Variants in S100A16 observed in about 807,000 individuals in gnomAD.
S100A16 encodes the protein S100 calcium binding protein A16.
Under a neutral mutation model 9.0 loss-of-function variants are expected in S100A16, and 8 were observed. That is an observed-to-expected ratio of 0.89 (90% CI 0.52 to 1.60). S100A16 has a LOEUF of 1.60. Among genes scored for constraint, S100A16 ranks in the 40% most tolerant of loss-of-function variants. The pLI is 0.00. For synonymous variants in S100A16, 51 were observed against 51.4 expected (o/e 0.99, Z 0.04); for missense variants, 138 against 132.4 (o/e 1.04, Z -0.21).
Position 153,607,683 on chromosome 1 carries a change from T to G in S100A16, c.163A>C (p.Asn55His). 2.5e-6 allele frequency: 4 copies of G among 1,614,152 alleles called. No individual in the cohort carries two copies. The highest frequency in any genetic ancestry group is 2.5e-6 in the Non-Finnish European group (3 of 1,180,022). The change falls in exon 3 of 3, where the codon AAC (asparagine) becomes CAC (histidine). Residue 55 changes from asparagine (N) to histidine (H), a missense_variant. Transcript: ENST00000368706. ...ELNHMLSDTG[N>H]RKAADKLIQN... ...ATGAGCTTATCCGCAGCCTTCCGGT[T>G]CCCTGTGTCCTGGGGAGGAAGCAGG...
At chr1:153,608,535 T>C (rs1006354919) in intron 1 of S100A16, among the ~76,000 whole-genome samples, 1 of 152,072 alleles carries the variant, frequency 6.6e-6, no homozygotes, top group African/African-American at 2.4e-5. Context: ...CCCACCCTGC[T>C]CCACAGCTGG....
At chr1:153,612,771 C>A (rs947886480) in intron 1 of S100A16, among the ~76,000 whole-genome samples, 181 bp downstream of exon 1, 3 of 152,252 alleles carry the variant, frequency 2.0e-5, no homozygotes, top group East Asian at 3.9e-4. Flanking sequence ...CCCAACCCCC[C>A]AGGACTCCCC....
Position 153,607,607 on chromosome 1 carries a change from C to T in S100A16, c.239G>A (p.Trp80Ter). 1 of 1,614,206 alleles carries T rather than the reference C, an allele frequency of 6.2e-7. No individual in the cohort carries two copies. The highest frequency in any genetic ancestry group is 8.5e-7 in the Non-Finnish European group (1 of 1,180,016). Residue 80 changes from tryptophan (W) to a stop codon, truncating the protein, a stop_gained, in exon 3 of 3, where the codon TGG becomes TAG. Transcript: ENST00000368706. LOFTEE classifies it high-confidence loss of function. ...GCCGGTGATGCCGCCTATCAAGGTCCAGTACTCATCGAAGCTGATGCGCCC... is the reference window on the plus strand; with the variant it reads ...GCCGGTGATGCCGCCTATCAAGGTCTAGTACTCATCGAAGCTGATGCGCCC... ...HDGRISFDEY[W>*]TLIGGITGPI... is the part of the protein sequence containing the mutation.
rs771769392 is a variant in S100A16 at position 153,607,637 on chromosome 1, T to C, written c.209A>G (p.His70Arg). 1.2e-5 allele frequency: 19 copies of C among 1,614,066 alleles called. No homozygotes were observed. In the African/African-American group the frequency reaches 2.1e-4, roughly 18 times the overall value. The stretch of plus-strand genomic sequence containing the variant: ...CTCATCGAAGCTGATGCGCCCATCA[T>C]GATTGGCATCCAGGTTCTGGATGAG... ...DKLIQNLDAN[H>R]DGRISFDEYW... Residue 70 changes from histidine (H) to arginine (R), a missense_variant, in exon 3 of 3, where the codon CAT (histidine) becomes CGT (arginine). By Grantham distance (29) the His-to-Arg change is conservative. Transcript: ENST00000368706.
chr1:153,612,367 C>T (rs1406868114), intron 1 of S100A16, among the ~76,000 whole-genome samples: 1 of 152,076 alleles, frequency 6.6e-6, no homozygotes, highest in Non-Finnish European at 1.5e-5. Context: ...CTCCCCACAG[C>T]CTCACTCGGG....
At chr1:153,610,960 C>T (rs965416279) in intron 1 of S100A16, among the ~76,000 whole-genome samples, 1 of 152,110 alleles carries the variant, frequency 6.6e-6, no homozygotes, top group Admixed American at 6.5e-5. Flanking sequence ...ATTGGCCCTG[C>T]CACAGGTAGA....
Position 153,610,468 on chromosome 1 carries a change from C to T in S100A16, c.-26-2291G>A, listed in dbSNP as rs150437798. 6.1e-4 allele frequency among the ~76,000 whole-genome samples: 93 copies of T among 152,312 alleles called. No homozygotes were observed. The Middle Eastern group carries it at 0.017, about 28-fold the overall frequency. On this transcript the variant is annotated intron_variant, in intron 1 of 2. Coordinates refer to ENST00000368706, the MANE Select transcript of S100A16 (RefSeq NM_080388.3). ...TTTCTCTGAGCTGTCTCCTCCTGGC[C>T]TTCCTCAATACCATGACTCAACCCC... is the stretch of plus-strand genomic sequence containing the variant.
At position 153,608,706 on chromosome 1, in the gene S100A16, C is replaced by T. The variant is rs562782102; in HGVS notation, c.-26-529G>A. ...AGGCCTTCCCCAATCCCTTGCCGGG[C>T]TCCAGGACAGTGAGTCCCGGGTCTC... On this transcript the variant is annotated intron_variant, in intron 1 of 2. Transcript: ENST00000368706. Among the ~76,000 whole-genome samples, 234 of 152,356 alleles carry T rather than the reference C, an allele frequency of 1.5e-3. 1 individual carries two copies. Among genetic ancestry groups the T allele is most frequent in the African/African-American group, 5.4e-3 (225 of 41,568 alleles).
intron 1 of S100A16, among the ~76,000 whole-genome samples, chr1:153,612,706 C>T (rs542997852): frequency 6.6e-5 from 10 of 152,224 alleles, no homozygotes; most frequent in Admixed American, 4.6e-4. Context: ...TCAGCTGCTG[C>T]GGCAGGGAGG....
chr1:153,607,431 G>C lies in S100A16; in HGVS notation c.*103C>G, dbSNP rs1004751493. 1 of 1,368,804 alleles carries C rather than the reference G, an allele frequency of 7.3e-7. No individual in the cohort carries two copies. The highest frequency in any genetic ancestry group is 1.0e-6 in the Non-Finnish European group (1 of 974,244). The allele number at this position is 1,368,804 out of a possible 1,614,324, so 84.8% of individuals were successfully genotyped here. A position where few individuals can be genotyped will look rare whatever the true frequency, so the allele number is the denominator to read the frequency against. ...CAGAGGAAGGTCTGGAGGGAGAAGA[G>C]AGTAAAGGGCCCTGGGTGGGCAGGA... is the stretch of plus-strand genomic sequence containing the variant. On this transcript the variant is annotated 3_prime_UTR_variant, in exon 3 of 3. Coordinates refer to ENST00000368706, the MANE Select transcript of S100A16 (RefSeq NM_080388.3).
intron 1 of S100A16, among the ~76,000 whole-genome samples, chr1:153,610,440 T>C (rs1039684870): frequency 6.6e-6 from 1 of 151,876 alleles, no homozygotes; most frequent in South Asian, 2.1e-4. Flanking sequence ...CTCCTTGGAG[T>C]CATTTCTCTG....
intron 1 of S100A16, 50 bp from the exon 2 acceptor site, chr1:153,608,227 C>T (rs1666746770): frequency 6.8e-7 from 1 of 1,480,026 alleles, no homozygotes; most frequent in Non-Finnish European, 9.2e-7. Flanking sequence ...CAGGCCATAC[C>T]TCCTCCTCCT....
chr1:153,607,864 G>T (rs1666731621), intron 2 of S100A16, 135 bp downstream of exon 2: 12 of 1,175,066 alleles, frequency 1.0e-5, no homozygotes, highest in Middle Eastern at 2.7e-4. Flanking sequence ...AGGCCTGGGG[G>T]TGTAGAAGAC....
rs766346077 is a variant in S100A16, at chr1:153,608,179, T to C, written c.-26-2A>G. 5 of 1,610,124 alleles carry C rather than the reference T, an allele frequency of 3.1e-6. No individual in the cohort carries two copies. The South Asian group carries it at 5.5e-5, about 18-fold the overall frequency. On this transcript the variant is annotated splice_acceptor_variant, in intron 1 of 2. Transcript: ENST00000368706. LOFTEE classifies it low-confidence loss of function (5UTR_SPLICE). ...CCCTGCTTCGCCTGCTGGCGGGGCC[T>C]GGACACCAGGAGGAGGGGAGATGAG...
At chr1:153,609,585 T>G (rs1314760084) in intron 1 of S100A16, among the ~76,000 whole-genome samples, 2 of 152,190 alleles carry the variant, frequency 1.3e-5, no homozygotes, top group Non-Finnish European at 2.9e-5. Flanking sequence ...TTCTTACACA[T>G]GGCCAATGTA....
intron 1 of S100A16, among the ~76,000 whole-genome samples, 186 bp downstream of exon 1, chr1:153,612,765 AC>A (rs369545404): frequency 1.5e-3 from 231 of 151,438 alleles, no homozygotes; most frequent in African/African-American, 5.5e-3. Flanking sequence ...CCAGCCCCCA[AC>A]CCCCCAGGAC....
rs967476394 is a variant in S100A16 at position 153,607,985 on chromosome 1, G to A, written c.153+14C>T. On this transcript the variant is annotated intron_variant, in intron 2 of 2. Transcript: ENST00000368706. ...GGGGAGAGGGAGGCAAGGCCCTTGG[G>A]TGAGAGGCCTTACCGACAGCATGTG... The A allele has an allele frequency of 2.5e-6, 4 of 1,612,484 alleles. No homozygotes were observed. The highest frequency in any genetic ancestry group is 3.4e-6 in the Non-Finnish European group (4 of 1,178,932).
At chr1:153,610,714 T>C (rs1168760164) in intron 1 of S100A16, among the ~76,000 whole-genome samples, 7 of 152,250 alleles carry the variant, frequency 4.6e-5, no homozygotes, top group Admixed American at 2.6e-4. Flanking sequence ...TCTGGAGCTT[T>C]TTCTGAAGGA....
intron 1 of S100A16, among the ~76,000 whole-genome samples, chr1:153,610,003 G>T (rs1439317741): frequency 2.0e-5 from 3 of 152,204 alleles, no homozygotes; most frequent in Non-Finnish European, 4.4e-5. Context: ...ATGGCAGGAA[G>T]CCACACGCTT....
Sources: gnomAD v4.1 joint callset for allele counts (sites outside exome capture counted in the v4.1 genomes callset) on GRCh38, gnomAD v4.1.1 for gene constraint, MANE v1.5 for transcripts, NCBI Gene and HGNC (gene_info 2026-07-23, HGNC 2026-07-21) for gene names.